Variants in SHROOM4 observed in about 807,000 individuals in gnomAD.
SHROOM4 encodes the protein shroom family member 4.
A neutral mutation model predicts 80.3 loss-of-function variants in SHROOM4; 17 were observed. The ratio of observed to expected loss-of-function variants is 0.21; its 90% CI spans 0.14 to 0.32. The LOEUF (loss-of-function observed/expected upper bound fraction) is 0.32. Ranked by LOEUF, SHROOM4 falls within the 10% of genes least tolerant of loss-of-function variation. SHROOM4 has a pLI of 1.00. For synonymous variants in SHROOM4, 400 were observed against 437.5 expected (o/e 0.91, Z 1.07); for missense variants, 993 against 1,140.3 (o/e 0.87, Z 1.86).
chrX:50,601,870 G>A (rs900433159), intron 7 of SHROOM4, among the ~76,000 whole-genome samples: 3 of 111,094 alleles, frequency 2.7e-5, no homozygotes, highest in Admixed American at 9.6e-5. Context: ...TTGGTTAGAG[G>A]AGCCCACTGG....
intron 1 of SHROOM4, among the ~76,000 whole-genome samples, chrX:50,803,035 C>G (rs1273306566): frequency 1.8e-5 from 2 of 111,585 alleles, no homozygotes; most frequent in African/African-American, 6.5e-5. Context: ...ACTAAAAATA[C>G]AAAAATTAGC....
rs1273577120 is a variant in SHROOM4, at chrX:50,596,061, TC to T, written c.*633del. On this transcript the variant is annotated 3_prime_UTR_variant, in exon 9 of 9. Transcript: ENST00000376020. ...TAGCCAGGGCTAAGAGTAGGCCTCT[TC>T]CCCTGAACTTGCTGCTGGGAAAGGT... The T allele has an allele frequency of 2.7e-5, 9 of 328,272 alleles. No homozygotes were observed. Among genetic ancestry groups the T allele is most frequent in the Non-Finnish European group, 5.3e-5 (9 of 169,788 alleles). The allele number at this position is 328,272 out of a possible 1,213,427, so 27.1% of individuals were successfully genotyped here.
intron 1 of SHROOM4, among the ~76,000 whole-genome samples, chrX:50,764,043 T>G (rs1437174677): frequency 8.9e-6 from 1 of 111,938 alleles, no homozygotes; most frequent in Non-Finnish European, 1.9e-5. Context: ...TGAAAACACC[T>G]TTTAGGAGTG....
chrX:50,627,730 T>C, intron 4 of SHROOM4, 55 bp from the exon 5 acceptor site: 1 of 1,034,594 alleles, frequency 9.7e-7, no homozygotes, highest in Non-Finnish European at 1.4e-6. Context: ...GGTATCTAGA[T>C]GGCCTCAAAA....
In SHROOM4 at chrX:50,638,257, C is replaced by T; in HGVS notation, c.321G>A (p.Leu107=). 1 of 1,211,426 alleles carries T rather than the reference C, an allele frequency of 8.3e-7. No homozygotes were observed. Among genetic ancestry groups the T allele is most frequent in the South Asian group, 1.8e-5 (1 of 56,777 alleles). Residue 107 remains leucine (L), a synonymous_variant, in exon 3 of 9, where the codon CTG becomes CTA. Transcript: ENST00000376020. ...RPHSWHVAKL[L]EGCPEAATTM... is the part of the protein sequence containing the mutation. ...TGGTGGCTGCTTCAGGGCATCCCTC[C>T]AGCAGCTTGGCCACATGCCATGAGT...
chrX:50,800,978 G>A (rs978622791), intron 1 of SHROOM4, among the ~76,000 whole-genome samples: 1 of 109,929 alleles, frequency 9.1e-6, no homozygotes, highest in African/African-American at 3.3e-5. Context: ...TCATTACTAT[G>A]CAACTCTTTT....
chrX:50,660,577 TTCCTC>T, intron 2 of SHROOM4, among the ~76,000 whole-genome samples: 3 of 46,234 alleles, frequency 6.5e-5, no homozygotes, highest in Non-Finnish European at 1.1e-4. Flanking sequence ...CCTCCCTCCC[TTCCTC>T]CCTCCCTCCC....
At chrX:50,762,246 T>G (rs781888300) in intron 1 of SHROOM4, among the ~76,000 whole-genome samples, 1 of 112,270 alleles carries the variant, frequency 8.9e-6, no homozygotes, top group East Asian at 2.8e-4. Context: ...CTGGTACTCT[T>G]TATTTCTTCC....
chrX:50,708,177 G>A (rs1017217890), intron 1 of SHROOM4, among the ~76,000 whole-genome samples: 7 of 112,077 alleles, frequency 6.2e-5, no homozygotes, highest in Non-Finnish European at 1.9e-5. Context: ...GGCCAGAAAC[G>A]TCCTCTACAA....
At chrX:50,580,440 T>C in the SHROOM4 span, among the ~76,000 whole-genome samples, 1 of 112,495 alleles carries the variant, frequency 8.9e-6, no homozygotes, top group Non-Finnish European at 1.9e-5. Context: ...CATCCAAGAT[T>C]GGTAGAATTA....
chrX:50,691,777 C>T (rs192489268), intron 2 of SHROOM4, among the ~76,000 whole-genome samples: 1 of 111,706 alleles, frequency 9.0e-6, no homozygotes, highest in African/African-American at 3.3e-5. Flanking sequence ...AAACACTAGG[C>T]TGAATATTCA....
chrX:50,678,445 C>G (rs1355280549), intron 2 of SHROOM4, among the ~76,000 whole-genome samples: 2 of 111,565 alleles, frequency 1.8e-5, no homozygotes, highest in Non-Finnish European at 3.8e-5. Context: ...AACTTCTAGC[C>G]ATCTCAGTAT....
chrX:50,696,286 C>A lies in SHROOM4; in HGVS notation c.118-349G>T, dbSNP rs1249519729. 2.7e-5 allele frequency among the ~76,000 whole-genome samples: 3 copies of A among 111,838 alleles called. No homozygotes were observed. The East Asian group carries it at 8.5e-4, about 32-fold the overall frequency. ...ACCAAAACGTGCAGACAAATTAGAG[C>A]CAGAAGAGCTAGGCTCCATCAAAAT... On this transcript the variant is annotated intron_variant, in intron 1 of 8. Transcript: ENST00000376020.
At chrX:50,625,145 T>C (rs1428105983) in intron 5 of SHROOM4, among the ~76,000 whole-genome samples, 1 of 111,710 alleles carries the variant, frequency 9.0e-6, no homozygotes, top group Non-Finnish European at 1.9e-5. Context: ...TTGTTTGCAC[T>C]AGTAATCCCA....
chrX:50,596,536 A>T lies in SHROOM4; in HGVS notation c.*159T>A. ...CTTCCCCAGGGTCTCCTAGCTGGTT[A>T]GGACCACTGCTAGGGAAGGGGTAGT... On this transcript the variant is annotated 3_prime_UTR_variant, in exon 9 of 9. Transcript: ENST00000376020. The T allele has an allele frequency of 1.4e-6, 1 of 725,147 alleles. No homozygotes were observed. The highest frequency in any genetic ancestry group is 2.1e-6 in the Non-Finnish European group (1 of 480,280). 59.8% of individuals were successfully genotyped at this position (725,147 alleles called of 1,213,427 possible).
intron 1 of SHROOM4, among the ~76,000 whole-genome samples, chrX:50,706,887 T>C (rs896833981): frequency 1.8e-5 from 2 of 111,819 alleles, no homozygotes; most frequent in African/African-American, 6.5e-5. Context: ...TAATAACTTG[T>C]ATCCAGATAT....
chrX:50,705,404 A>C (rs782814493), intron 1 of SHROOM4, among the ~76,000 whole-genome samples: 12 of 111,774 alleles, frequency 1.1e-4, no homozygotes, highest in Non-Finnish European at 2.3e-4. Context: ...ATTTGAGTTC[A>C]AGACCTGGAA....
chrX:50,597,679 T>A (rs1448358931), intron 8 of SHROOM4, among the ~76,000 whole-genome samples: 2 of 111,340 alleles, frequency 1.8e-5, no homozygotes, highest in African/African-American at 6.5e-5. Context: ...CTCACAATAA[T>A]CCCATAAGGC....
rs894009131 is a variant in SHROOM4 at position 50,596,374 on chromosome X, G to C, written c.*321C>G. 3 of 423,774 alleles carry C rather than the reference G, an allele frequency of 7.1e-6. No individual in the cohort carries two copies. Among genetic ancestry groups the C allele is most frequent in the Non-Finnish European group, 1.3e-5 (3 of 230,485 alleles). The allele number at this position is 423,774 out of a possible 1,213,427, so 34.9% of individuals were successfully genotyped here. The stretch of plus-strand genomic sequence containing the variant: ...GGGTGATGAGTACTTGATGTCTTTG[G>C]TGTCCTAGTACAAAGCAGAATGAAG... On this transcript the variant is annotated 3_prime_UTR_variant, in exon 9 of 9. Transcript: ENST00000376020.
Sources: allele counts gnomAD v4.1 joint callset (sites outside exome capture counted in the v4.1 genomes callset), GRCh38; gene constraint gnomAD v4.1.1; transcripts MANE v1.5; gene names NCBI Gene and HGNC (gene_info 2026-07-23, HGNC 2026-07-21).